RBFOX1: variants seen among roughly 807,000 people sequenced by gnomAD.
RBFOX1 encodes RNA binding fox-1 homolog 1, also known as RNA binding protein fox-1 homolog 1.
A neutral mutation model predicts 57.7 loss-of-function variants in RBFOX1; 8 were observed. The observed-to-expected ratio is 0.14, with a 90% confidence interval of 0.08 to 0.25. RBFOX1 has a LOEUF of 0.25. Among genes scored for constraint, RBFOX1 ranks in the 10% least tolerant of loss-of-function variants. The pLI is 1.00. For synonymous variants in RBFOX1, 326 were observed against 222.4 expected, an observed-to-expected ratio of 1.47 and a Z score of -4.15; for missense variants, 611 against 548.5, an observed-to-expected ratio of 1.11 and a Z score of -1.14.
chr16:6,544,955 C>G (rs572926882), intron 2 of RBFOX1, among the ~76,000 whole-genome samples: 1 of 152,216 alleles, frequency 6.6e-6, no homozygotes, highest in Non-Finnish European at 1.5e-5. Context: ...GAGGATTAGG[C>G]AAAGGGTGAT....
At chr16:6,865,002 T>TTC (rs1376310497) in intron 3 of RBFOX1, among the ~76,000 whole-genome samples, 2 of 89,212 alleles carry the variant, frequency 2.2e-5, no homozygotes, top group African/African-American at 8.1e-5. Flanking sequence ...TTTCTTTTTT[T>TTC]TTTTTTTTTT....
At chr16:6,281,348 G>A (rs942623853) in intron 1 of RBFOX1, among the ~76,000 whole-genome samples, 2 of 152,056 alleles carry the variant, frequency 1.3e-5, no homozygotes, top group Admixed American at 1.3e-4. Context: ...TATGCACACC[G>A]GGAAGTGTTA....
intron 4 of RBFOX1, among the ~76,000 whole-genome samples, chr16:7,503,454 G>A (rs1347815029): frequency 6.6e-6 from 1 of 152,214 alleles, no homozygotes; most frequent in Non-Finnish European, 1.5e-5. Context: ...AATTATATCT[G>A]TAGGGTAACT....
chr16:7,532,115 G>A (rs1236469800), intron 5 of RBFOX1, among the ~76,000 whole-genome samples: 2 of 148,186 alleles, frequency 1.3e-5, no homozygotes, highest in African/African-American at 4.9e-5. Context: ...CCTTTTTTAG[G>A]GGGAGAAACT....
intron 4 of RBFOX1, among the ~76,000 whole-genome samples, chr16:7,381,673 G>A (rs763937194): frequency 1.1e-4 from 17 of 152,124 alleles, no homozygotes; most frequent in Non-Finnish European, 2.4e-4. Context: ...TAGGAAAAAT[G>A]CAAATGTCCC....
chr16:6,807,321 G>C (rs142825304), intron 3 of RBFOX1, among the ~76,000 whole-genome samples: 82 of 152,218 alleles, frequency 5.4e-4, no homozygotes, highest in African/African-American at 1.8e-3. Context: ...ACAATGAAGA[G>C]AACTTGGCAA....
intron 4 of RBFOX1, among the ~76,000 whole-genome samples, chr16:5,881,569 A>G (rs926139626): frequency 6.6e-6 from 1 of 152,116 alleles, no homozygotes; most frequent in Non-Finnish European, 1.5e-5. Context: ...AATCCCAGCT[A>G]CTTGGGAGGC....
chr16:7,149,058 C>G lies in RBFOX1; in HGVS notation c.27+96960C>G, dbSNP rs145089074. The stretch of plus-strand genomic sequence containing the variant: ...CTGGTCTACCAATTCTGCCCTTGTT[C>G]TTTTTTTCTAAAACATTTCCTTTCT... On this transcript the variant is annotated intron_variant, in intron 4 of 15. Coordinates refer to ENST00000550418, the MANE Select transcript of RBFOX1 (RefSeq NM_018723.4). Among the ~76,000 whole-genome samples, 13 of 152,236 alleles carry G rather than the reference C, an allele frequency of 8.5e-5. No individual in the cohort carries two copies. The East Asian group carries it at 2.3e-3, about 27-fold the overall frequency.
chr16:7,036,350 C>T (rs375288082), intron 3 of RBFOX1, among the ~76,000 whole-genome samples: 15 of 152,114 alleles, frequency 9.9e-5, no homozygotes, highest in East Asian at 3.9e-4. Flanking sequence ...GGTTTTCTAC[C>T]GCTGTGTTAT....
intron 4 of RBFOX1, among the ~76,000 whole-genome samples, chr16:7,410,963 C>T (rs983655824): frequency 2.0e-5 from 3 of 151,564 alleles, no homozygotes; most frequent in African/African-American, 7.3e-5. Flanking sequence ...ATTTATTTTT[C>T]GAGACAGAGT....
intron 1 of RBFOX1, among the ~76,000 whole-genome samples, chr16:5,264,411 C>T (rs1026476212): frequency 4.6e-5 from 7 of 151,908 alleles, no homozygotes; most frequent in African/African-American, 1.7e-4. Context: ...AGCAGTGGTC[C>T]CCAAATGGTG....
chr16:7,172,449 T>C (rs1469825611), intron 4 of RBFOX1, among the ~76,000 whole-genome samples: 1 of 152,204 alleles, frequency 6.6e-6, no homozygotes, highest in Non-Finnish European at 1.5e-5. Context: ...ATATACATAT[T>C]TCTCTGTCTC....
intron 4 of RBFOX1, among the ~76,000 whole-genome samples, chr16:7,451,401 C>T (rs779883630): frequency 3.3e-5 from 5 of 152,114 alleles, no homozygotes; most frequent in African/African-American, 7.2e-5. Flanking sequence ...AGTATTTCAA[C>T]CTGGCAGGTT....
chr16:7,409,547 C>G lies in RBFOX1; in HGVS notation c.28-108600C>G, dbSNP rs1207175417. Among the ~76,000 whole-genome samples the G allele has an allele frequency of 2.0e-5, 3 of 152,162 alleles. No homozygotes were observed. In the South Asian group the frequency reaches 6.2e-4, roughly 32 times the overall value. ...CCTGGTTTCGATTATTTTGCACTAT[C>G]CTAAGCAGTGTATGTCTGTGCATTG... On this transcript the variant is annotated intron_variant, in intron 4 of 15. Transcript: ENST00000550418.
intron 4 of RBFOX1, among the ~76,000 whole-genome samples, chr16:7,485,953 T>G (rs1407960596): frequency 1.3e-5 from 2 of 152,164 alleles, no homozygotes; most frequent in Non-Finnish European, 2.9e-5. Flanking sequence ...TTGCTACAAC[T>G]GTGAAGTTGA....
At chr16:7,059,800 C>T (rs1033533678) in intron 4 of RBFOX1, among the ~76,000 whole-genome samples, 4 of 151,968 alleles carry the variant, frequency 2.6e-5, no homozygotes, top group Non-Finnish European at 5.9e-5. Flanking sequence ...TATTTGTTCC[C>T]AGGGCTGCTT....
intron 2 of RBFOX1, among the ~76,000 whole-genome samples, chr16:6,350,083 A>G (rs2086038433): frequency 6.6e-6 from 1 of 152,196 alleles, no homozygotes; most frequent in African/African-American, 2.4e-5. Flanking sequence ...AGGTTTGTGA[A>G]AAATCATGCA....
intron 4 of RBFOX1, among the ~76,000 whole-genome samples, chr16:7,453,454 C>G (rs2057807785): frequency 6.6e-6 from 1 of 152,070 alleles, no homozygotes; most frequent in Admixed American, 6.6e-5. Flanking sequence ...ATGACTTTAT[C>G]CTAAGAATAG....
chr16:6,776,953 T>C lies in RBFOX1; in HGVS notation c.-16+122303T>C, dbSNP rs143668098. Among the ~76,000 whole-genome samples, 1,450 of 152,320 alleles carry C rather than the reference T, an allele frequency of 9.5e-3. 27 individuals carry two copies. The highest frequency in any genetic ancestry group is 0.033 in the African/African-American group (1,372 of 41,564). On this transcript the variant is annotated intron_variant, in intron 3 of 15. Coordinates refer to ENST00000550418, the MANE Select transcript of RBFOX1 (RefSeq NM_018723.4). The stretch of plus-strand genomic sequence containing the variant: ...GGCTTTGTATTGTTCATAAATTATC[T>C]GAGAGGTTGAAATTTATTTACGTGA...
Sources: allele counts gnomAD v4.1 joint callset (sites outside exome capture counted in the v4.1 genomes callset), GRCh38; gene constraint gnomAD v4.1.1; transcripts MANE v1.5; gene names NCBI Gene and HGNC (gene_info 2026-07-23, HGNC 2026-07-21).